Variants in CSGALNACT1 observed in about 807,000 individuals in gnomAD.
CSGALNACT1 encodes chondroitin sulfate N-acetylgalactosaminyltransferase 1.
A neutral mutation model predicts 51.0 loss-of-function variants in CSGALNACT1; 52 were observed. The ratio of observed to expected loss-of-function variants is 1.02; its 90% CI spans 0.82 to 1.29. The LOEUF is 1.29. CSGALNACT1 is among the 50% of genes most tolerant of loss of function. CSGALNACT1 has a pLI of 0.00. For synonymous variants in CSGALNACT1, 341 were observed against 254.4 expected, an observed-to-expected ratio of 1.34 and a Z score of -3.24; for missense variants, 935 against 679.2, an observed-to-expected ratio of 1.38 and a Z score of -4.19.
At chr8:19,620,956 T>A (rs931625604) in intron 1 of CSGALNACT1, among the ~76,000 whole-genome samples, 1 of 152,168 alleles carries the variant, frequency 6.6e-6, no homozygotes, top group Non-Finnish European at 1.5e-5. Flanking sequence ...ACAGTGGGAA[T>A]CATCTATTTT....
rs33985548 is a variant in CSGALNACT1, at chr8:19,406,623, T to TAAA, written c.1310-557_1310-555dup. On this transcript the variant is annotated intron_variant, in intron 9 of 9. Coordinates refer to ENST00000454498, the Ensembl canonical transcript of CSGALNACT1. ...ATAATAATTAAAAATAGAGGTTTCG[T>TAAA]AAAAAAAAAAAAAAAAAAAAAAAAA... Among the ~76,000 whole-genome samples the TAAA allele has an allele frequency of 8.1e-3, 585 of 72,164 alleles. 25 individuals carry two copies. Among genetic ancestry groups the TAAA allele is most frequent in the African/African-American group, 0.029 (492 of 17,078 alleles). The allele number at this position is 72,164 out of a possible 152,430, so 47.3% of individuals were successfully genotyped here.
At chr8:19,679,985 C>T (rs1416045717) in intron 1 of CSGALNACT1, among the ~76,000 whole-genome samples, 2 of 152,098 alleles carry the variant, frequency 1.3e-5, no homozygotes, top group African/African-American at 4.8e-5. Flanking sequence ...GACAAAGCAC[C>T]CTTCCAGTAG....
At chr8:19,480,022 T>C (rs1296646003) in intron 4 of CSGALNACT1, among the ~76,000 whole-genome samples, 1 of 152,234 alleles carries the variant, frequency 6.6e-6, no homozygotes, top group African/African-American at 2.4e-5. Context: ...TATTTTCTTT[T>C]GTTTGAATTA....
intron 1 of CSGALNACT1, among the ~76,000 whole-genome samples, chr8:19,732,015 C>A (rs1001912895): frequency 6.6e-6 from 1 of 152,164 alleles, no homozygotes; most frequent in African/African-American, 2.4e-5. Context: ...AAGACCATTT[C>A]TAAAAATGTG....
chr8:19,540,077 G>C (rs922748668), intron 3 of CSGALNACT1, among the ~76,000 whole-genome samples: 1 of 152,080 alleles, frequency 6.6e-6, no homozygotes, highest in African/African-American at 2.4e-5. Context: ...AATTCCTAAC[G>C]CTAAACAACA....
At chr8:19,698,136 C>T (rs1036290665) in intron 1 of CSGALNACT1, among the ~76,000 whole-genome samples, 19 of 152,188 alleles carry the variant, frequency 1.2e-4, no homozygotes, top group African/African-American at 4.6e-4. Flanking sequence ...CTGGACAAAG[C>T]AGTCCCATGA....
chr8:19,506,655 A>G (rs558007457), intron 3 of CSGALNACT1, among the ~76,000 whole-genome samples: 1 of 152,278 alleles, frequency 6.6e-6, no homozygotes, highest in Admixed American at 6.5e-5. Flanking sequence ...GCTTAGTGCC[A>G]TTCTTGCTGG....
intron 6 of CSGALNACT1, among the ~76,000 whole-genome samples, chr8:19,438,202 G>T (rs1419235275): frequency 6.2e-5 from 9 of 145,332 alleles, no homozygotes; most frequent in African/African-American, 2.2e-4. Flanking sequence ...GGGGTCGGGG[G>T]GCAGCCAGCT....
intron 1 of CSGALNACT1, among the ~76,000 whole-genome samples, chr8:19,699,431 C>G (rs1254987013): frequency 6.6e-6 from 1 of 152,140 alleles, no homozygotes; most frequent in Non-Finnish European, 1.5e-5. Flanking sequence ...ATGCTCTGAT[C>G]ATGAAGTGGA....
At chr8:19,454,207 C>A (rs1292095145) in intron 5 of CSGALNACT1, among the ~76,000 whole-genome samples, 1 of 152,160 alleles carries the variant, frequency 6.6e-6, no homozygotes, top group African/African-American at 2.4e-5. Flanking sequence ...ACACTTGCGA[C>A]GTTTCTTGAA....
chr8:19,422,509 C>T (rs1174354339), intron 6 of CSGALNACT1, among the ~76,000 whole-genome samples: 3 of 152,240 alleles, frequency 2.0e-5, no homozygotes, highest in African/African-American at 7.2e-5. Flanking sequence ...TATGATCCTG[C>T]ATTCACTTCA....
At chr8:19,587,374 A>T (rs2046879615) in intron 3 of CSGALNACT1, among the ~76,000 whole-genome samples, 1 of 152,212 alleles carries the variant, frequency 6.6e-6, no homozygotes, top group African/African-American at 2.4e-5. Context: ...TGCTTCTCAA[A>T]GGCTACTGGG....
At chr8:19,440,895 A>G (rs1162116455) in intron 5 of CSGALNACT1, among the ~76,000 whole-genome samples, 2 of 152,322 alleles carry the variant, frequency 1.3e-5, no homozygotes, top group East Asian at 3.9e-4. Flanking sequence ...TCAATGTACA[A>G]AAATCACAAG....
rs147183212 is a variant in CSGALNACT1 at position 19,496,462 on chromosome 8, C to G, written c.634+8739G>C. Among the ~76,000 whole-genome samples the G allele has an allele frequency of 5.0e-3, 756 of 152,256 alleles. 3 individuals are homozygous for G. Among genetic ancestry groups the G allele is most frequent in the African/African-American group, 0.017 (713 of 41,550 alleles). On this transcript the variant is annotated intron_variant, in intron 4 of 9. Transcript: ENST00000454498. ...TGTGAGGTTGTGGGAAGACGTTATT[C>G]ATTTGTAGAGCAGTGTAAGTAGACA...
intron 3 of CSGALNACT1, among the ~76,000 whole-genome samples, chr8:19,584,653 G>C (rs929979667): frequency 6.6e-6 from 1 of 152,162 alleles, no homozygotes; most frequent in Non-Finnish European, 1.5e-5. Context: ...TACACTTAGC[G>C]AAGATGAATG....
intron 6 of CSGALNACT1, among the ~76,000 whole-genome samples, chr8:19,433,167 G>A (rs960657992): frequency 6.6e-6 from 1 of 152,160 alleles, no homozygotes; most frequent in African/African-American, 2.4e-5. Flanking sequence ...GTCAGCTAAT[G>A]AGTGGACAAC....
At chr8:19,664,658 C>CACAT (rs760494679) in intron 1 of CSGALNACT1, among the ~76,000 whole-genome samples, 1 of 150,992 alleles carries the variant, frequency 6.6e-6, no homozygotes, top group Non-Finnish European at 1.5e-5. Flanking sequence ...CACACACACA[C>CACAT]ACACACATAC....
intron 1 of CSGALNACT1, among the ~76,000 whole-genome samples, chr8:19,614,031 T>C (rs1564261493): frequency 6.6e-6 from 1 of 152,154 alleles, no homozygotes; most frequent in Non-Finnish European, 1.5e-5. Context: ...AGTTAACAAG[T>C]TTCATTGTTG....
intron 1 of CSGALNACT1, among the ~76,000 whole-genome samples, chr8:19,649,435 T>C (rs1397185540): frequency 6.6e-6 from 1 of 152,156 alleles, no homozygotes; most frequent in Non-Finnish European, 1.5e-5. Context: ...TCCAGTGTTT[T>C]TTTACTCTGC....
Sources: gnomAD v4.1 joint callset for allele counts (sites outside exome capture counted in the v4.1 genomes callset) on GRCh38, gnomAD v4.1.1 for gene constraint, MANE v1.5 for transcripts, NCBI Gene and HGNC (gene_info 2026-07-23, HGNC 2026-07-21) for gene names.